The following HS2ST1 variants were observed in gnomAD, a reference collection of about 807,000 sequenced individuals.
The protein encoded by HS2ST1 is heparan sulfate 2-O-sulfotransferase 1.
In HS2ST1, 18 loss-of-function variants were observed where a neutral mutation model predicts 42.9. The ratio of observed to expected loss-of-function variants is 0.42; its 90% CI spans 0.29 to 0.62. The LOEUF (loss-of-function observed/expected upper bound fraction) is 0.62. Among genes scored for constraint, HS2ST1 ranks in the 20% least tolerant of loss-of-function variants. The probability of loss-of-function intolerance (pLI) is 0.21; values close to 1 mark genes in which losing one functional copy is unlikely to be tolerated. For synonymous variants in HS2ST1, 146 were observed against 152.9 expected (o/e 0.95, Z 0.33); for missense variants, 334 against 433.8 (o/e 0.77, Z 2.04).
At chr1:87,075,795 A>G (rs1651527619) in intron 2 of HS2ST1, among the ~76,000 whole-genome samples, 1 of 151,958 alleles carries the variant, frequency 6.6e-6, no homozygotes, top group East Asian at 1.9e-4. Context: ...AAGCCCAAAT[A>G]TTTTTAGTCT....
At chr1:86,986,243 C>T (rs1423505928) in intron 1 of HS2ST1, among the ~76,000 whole-genome samples, 1 of 151,764 alleles carries the variant, frequency 6.6e-6, no homozygotes, top group African/African-American at 2.4e-5. Flanking sequence ...AAATATTTAT[C>T]TATGTAAATT....
chr1:87,023,702 A>G (rs1650009436), intron 1 of HS2ST1, among the ~76,000 whole-genome samples: 1 of 152,140 alleles, frequency 6.6e-6, no homozygotes, highest in African/African-American at 2.4e-5. Flanking sequence ...GATATATTGA[A>G]TGGGATAGAT....
At chr1:86,936,266 TG>T (rs1440327817) in intron 1 of HS2ST1, among the ~76,000 whole-genome samples, 1 of 152,216 alleles carries the variant, frequency 6.6e-6, no homozygotes, top group Non-Finnish European at 1.5e-5. Flanking sequence ...TACTGATCAT[TG>T]AATTTTTAGG....
At chr1:86,960,725 AC>A (rs1247858558) in intron 1 of HS2ST1, among the ~76,000 whole-genome samples, 1 of 152,232 alleles carries the variant, frequency 6.6e-6, no homozygotes, top group Non-Finnish European at 1.5e-5. Context: ...ACAGTGAGAT[AC>A]TATACACCTA....
At chr1:87,005,124 A>G (rs1247377248) in intron 1 of HS2ST1, among the ~76,000 whole-genome samples, 1 of 152,128 alleles carries the variant, frequency 6.6e-6, no homozygotes, top group African/African-American at 2.4e-5. Flanking sequence ...TTGTATCAAT[A>G]TCTTTTAAAG....
chr1:87,086,580 A>G (rs1651820523), intron 3 of HS2ST1, among the ~76,000 whole-genome samples: 1 of 152,046 alleles, frequency 6.6e-6, no homozygotes, highest in Non-Finnish European at 1.5e-5. Flanking sequence ...GCCCCAAGAA[A>G]CCTAGGAAAT....
chr1:86,973,478 G>A (rs1315812252), intron 1 of HS2ST1, among the ~76,000 whole-genome samples: 1 of 152,030 alleles, frequency 6.6e-6, no homozygotes, highest in Non-Finnish European at 1.5e-5. Flanking sequence ...TTGGAGTCCT[G>A]TGAAGTTGTG....
chr1:87,004,672 G>T (rs1188852062), intron 1 of HS2ST1, among the ~76,000 whole-genome samples: 1 of 152,102 alleles, frequency 6.6e-6, no homozygotes, highest in Non-Finnish European at 1.5e-5. Context: ...TCCATAGTTT[G>T]ATACGAGAAT....
chr1:87,078,399 T>C (rs766950191), intron 2 of HS2ST1, among the ~76,000 whole-genome samples: 1 of 152,228 alleles, frequency 6.6e-6, no homozygotes, highest in East Asian at 1.9e-4. Context: ...TCTCTTCTTA[T>C]TACTTGCTAG....
intron 1 of HS2ST1, among the ~76,000 whole-genome samples, chr1:86,924,532 G>A (rs773974351): frequency 6.6e-6 from 1 of 152,166 alleles, no homozygotes; most frequent in Non-Finnish European, 1.5e-5. Flanking sequence ...GTATCCAGGT[G>A]TTTCCATACA....
chr1:86,938,812 G>A (rs923994638), intron 1 of HS2ST1, among the ~76,000 whole-genome samples: 4 of 152,124 alleles, frequency 2.6e-5, no homozygotes, highest in Admixed American at 2.0e-4. Context: ...GTGTTGGATG[G>A]ATTAATTGAT....
intron 5 of HS2ST1, among the ~76,000 whole-genome samples, chr1:87,100,450 T>TC (rs1444335587): frequency 6.6e-6 from 1 of 151,900 alleles, no homozygotes; most frequent in Non-Finnish European, 1.5e-5. Flanking sequence ...AAATCATTCT[T>TC]CCCCCCAAGG....
At chr1:86,933,541 G>A (rs892982020) in intron 1 of HS2ST1, among the ~76,000 whole-genome samples, 1 of 152,070 alleles carries the variant, frequency 6.6e-6, no homozygotes, top group African/African-American at 2.4e-5. Flanking sequence ...GTGGGCATCA[G>A]TTTTTGAATG....
intron 5 of HS2ST1, among the ~76,000 whole-genome samples, chr1:87,099,825 C>A (rs1324842742): frequency 6.6e-6 from 1 of 152,162 alleles, no homozygotes; most frequent in East Asian, 1.9e-4. Context: ...AAACATTTCC[C>A]TTCCAAAAGG....
chr1:87,108,799 A>AT lies in HS2ST1; in HGVS notation c.*4109dup, dbSNP rs1652395169. Reference sequence around the variant, plus strand: ...TTGAGACATTGATGCTGTCTATCTCATTTTTTAGACAGTTTTTGTAGCTTT... The same window carrying AT: ...TTGAGACATTGATGCTGTCTATCTCATTTTTTTAGACAGTTTTTGTAGCTTT... On this transcript the variant is annotated 3_prime_UTR_variant, in exon 7 of 7. Transcript: ENST00000370550. 6.6e-6 allele frequency: 1 copy of AT among 152,468 alleles called. No individual in the cohort carries two copies. Among genetic ancestry groups the AT allele is most frequent in the African/African-American group, 2.4e-5 (1 of 41,414 alleles). 9.4% of individuals were successfully genotyped at this position (152,468 alleles called of 1,614,324 possible). A position where few individuals can be genotyped will look rare whatever the true frequency, so the allele number is the denominator to read the frequency against.
intron 3 of HS2ST1, among the ~76,000 whole-genome samples, chr1:87,088,322 T>C (rs17419515): frequency 0.031 from 4,748 of 152,122 alleles, 95 homozygotes; most frequent in African/African-American, 0.061. Flanking sequence ...CTATATCTTA[T>C]CAGTCATCAA....
intron 1 of HS2ST1, among the ~76,000 whole-genome samples, chr1:87,016,763 C>T (rs1649771219): frequency 6.6e-6 from 1 of 152,140 alleles, no homozygotes; most frequent in South Asian, 2.1e-4. Context: ...TACCTTTTGG[C>T]TCTGTTCAGC....
At chr1:86,935,678 A>G (rs530696985) in intron 1 of HS2ST1, among the ~76,000 whole-genome samples, 1 of 151,936 alleles carries the variant, frequency 6.6e-6, no homozygotes, top group Non-Finnish European at 1.5e-5. Flanking sequence ...TGACCAGGCT[A>G]GTCTCAAACT....
intron 1 of HS2ST1, among the ~76,000 whole-genome samples, chr1:86,972,602 C>T (rs1648270371): frequency 1.3e-5 from 2 of 152,112 alleles, no homozygotes; most frequent in South Asian, 4.1e-4. Context: ...AAACTTAGTA[C>T]ATATGTAGTG....
Sources: gnomAD v4.1 joint callset for allele counts (sites outside exome capture counted in the v4.1 genomes callset) on GRCh38, gnomAD v4.1.1 for gene constraint, MANE v1.5 for transcripts, NCBI Gene and HGNC (gene_info 2026-07-23, HGNC 2026-07-21) for gene names.